The following ABCA4 variants were observed in gnomAD, a reference collection of about 807,000 sequenced individuals.
The protein encoded by ABCA4 is ATP binding cassette subfamily A member 4.
Under a neutral mutation model 263.7 loss-of-function variants are expected in ABCA4, and 196 were observed. The observed-to-expected ratio is 0.74, with a 90% confidence interval of 0.66 to 0.84. ABCA4 has a LOEUF of 0.84. ABCA4 is among the 40% of genes least tolerant of loss of function. The probability of loss-of-function intolerance (pLI) is 0.00; values close to 1 mark genes in which losing one functional copy is unlikely to be tolerated. For missense variants in ABCA4, 2,792 were observed against 2,855.1 expected, an observed-to-expected ratio of 0.98 and a Z score of 0.50; for synonymous variants, 1,133 against 1,094.2, an observed-to-expected ratio of 1.04 and a Z score of -0.70.
At chr1:94,071,007 A>C (rs1014279326) in intron 11 of ABCA4, among the ~76,000 whole-genome samples, 3 of 152,240 alleles carry the variant, frequency 2.0e-5, no homozygotes, top group African/African-American at 7.2e-5. Flanking sequence ...ACGCTTCTGT[A>C]AATGGAGGCC....
intron 6 of ABCA4, among the ~76,000 whole-genome samples, chr1:94,098,070 T>C (rs1369965920): frequency 6.6e-6 from 1 of 152,228 alleles, no homozygotes; most frequent in Non-Finnish European, 1.5e-5. Flanking sequence ...TGATGGTTTT[T>C]ATGCACTTTG....
At position 94,011,298 on chromosome 1, in the gene ABCA4, G is replaced by C; in HGVS notation, c.5548C>G (p.Leu1850Val). ...TAGACATCTGTCACAGCCTGGCTCA[G>C]TGCAAGGTCAATGAGGCCCCGGCCC... is the stretch of plus-strand genomic sequence containing the variant. ...CLGRGLIDLA[L>V]SQAVTDVYAR... Residue 1850 changes from leucine to valine, a missense_variant, in exon 39 of 50, where the codon CTG (leucine) becomes GTG (valine). Coordinates refer to ENST00000370225, the MANE Select transcript of ABCA4 (RefSeq NM_000350.3). The C allele has an allele frequency of 6.2e-7, 1 of 1,614,116 alleles. No individual in the cohort carries two copies. Among genetic ancestry groups the C allele is most frequent in the South Asian group, 1.1e-5 (1 of 91,086 alleles).
At position 94,031,986 on chromosome 1, in the gene ABCA4, C is replaced by T; in HGVS notation, c.3920G>A (p.Arg1307Lys). 6.2e-6 allele frequency: 10 copies of T among 1,613,968 alleles called. No homozygotes were observed. The highest frequency in any genetic ancestry group is 8.5e-6 in the Non-Finnish European group (10 of 1,180,014). Residue 1307 changes from arginine to lysine, a missense_variant, in exon 27 of 50, where the codon AGA (arginine) becomes AAA (lysine). Physicochemically the swap from Arg to Lys is conservative, Grantham distance 26. Coordinates refer to ENST00000370225, the MANE Select transcript of ABCA4 (RefSeq NM_000350.3). Reference sequence around the variant, plus strand: ...CTGGGGTGTCTGTCCAGCCTTCTCTCTGGGACCCAAGCAGGGGTGTCGGGG... The same window carrying T: ...CTGGGGTGTCTGTCCAGCCTTCTCTTTGGGACCCAAGCAGGGGTGTCGGGG... ...VNPRHPCLGP[R>K]EKAGQTPQDS...
At chr1:94,100,287 A>G (rs1662253537) in intron 5 of ABCA4, among the ~76,000 whole-genome samples, 1 of 152,222 alleles carries the variant, frequency 6.6e-6, no homozygotes, top group Non-Finnish European at 1.5e-5. Flanking sequence ...AAAAGCAGCT[A>G]GTATTTACTG....
chr1:94,093,000 C>T (rs943509266), intron 6 of ABCA4, among the ~76,000 whole-genome samples: 3 of 152,060 alleles, frequency 2.0e-5, no homozygotes, highest in African/African-American at 7.2e-5. Flanking sequence ...CTAAGATTTC[C>T]TTTAAATGGC....
intron 24 of ABCA4, among the ~76,000 whole-genome samples, chr1:94,039,536 C>T (rs1309444538): frequency 6.6e-6 from 1 of 152,142 alleles, no homozygotes; most frequent in African/African-American, 2.4e-5. Flanking sequence ...TTCAGTGCAT[C>T]CTAATTAAAG....
At chr1:94,097,155 G>A (rs1179436055) in intron 6 of ABCA4, among the ~76,000 whole-genome samples, 1 of 152,168 alleles carries the variant, frequency 6.6e-6, no homozygotes, top group Admixed American at 6.5e-5. Flanking sequence ...CCTACAGTGT[G>A]GTGAGCCAAG....
chr1:94,027,103 C>T lies in ABCA4; in HGVS notation c.4540-2055G>A, dbSNP rs139046800. Among the ~76,000 whole-genome samples, 174 of 152,154 alleles carry T rather than the reference C, an allele frequency of 1.1e-3. 1 individual carries two copies. Among genetic ancestry groups the T allele is most frequent in the African/African-American group, 3.7e-3 (155 of 41,510 alleles). On this transcript the variant is annotated intron_variant, in intron 30 of 49. Coordinates refer to ENST00000370225, the MANE Select transcript of ABCA4 (RefSeq NM_000350.3). ...AAGAGTGAGTGAGAGAGACAGAGCG[C>T]GCACAGCTCCTGTGCATATGCGTGG...
chr1:94,087,898 G>C (rs547125687), intron 6 of ABCA4, among the ~76,000 whole-genome samples: 1 of 152,292 alleles, frequency 6.6e-6, no homozygotes, highest in African/African-American at 2.4e-5. Flanking sequence ...GTCTCCCTGA[G>C]GCTTCGCCAG....
At chr1:94,076,121 C>T (rs532349621) in intron 11 of ABCA4, among the ~76,000 whole-genome samples, 21 of 152,330 alleles carry the variant, frequency 1.4e-4, no homozygotes, top group African/African-American at 4.6e-4. Context: ...TTTGGGGAAA[C>T]ATCTTCCTCC....
At chr1:94,035,314 A>C (rs1660309396) in intron 26 of ABCA4, among the ~76,000 whole-genome samples, 1 of 152,206 alleles carries the variant, frequency 6.6e-6, no homozygotes, top group African/African-American at 2.4e-5. Flanking sequence ...GAGATTATTC[A>C]ATTTCTGTGT....
rs151212933 is a variant in ABCA4, at chr1:94,001,932, T to C, written c.6208A>G (p.Thr2070Ala). ...LTVYADCLAG[T>A]YSGGNKRKLS... The stretch of plus-strand genomic sequence containing the variant: ...TTCCGCTTGTTGCCCCCACTGTACG[T>C]GCCAGCCAGGCAGTCGGCGTAGACA... Residue 2070 changes from threonine (T) to alanine (A), a missense_variant, in exon 45 of 50, where the codon ACG (threonine) becomes GCG (alanine). Coordinates refer to ENST00000370225, the MANE Select transcript of ABCA4 (RefSeq NM_000350.3). 6 of 1,614,088 alleles carry C rather than the reference T, an allele frequency of 3.7e-6. No individual in the cohort carries two copies. In the African/African-American group the frequency reaches 8.0e-5, roughly 22 times the overall value.
At chr1:94,040,232 C>T in intron 23 of ABCA4, 105 bp from the exon 24 acceptor site, 1 of 901,874 alleles carries the variant, frequency 1.1e-6, no homozygotes, top group Non-Finnish European at 1.8e-6. Context: ...TTTCTCACTG[C>T]CAAGTGTAGT....
chr1:94,001,744 GA>G lies in ABCA4; in HGVS notation c.6282+113del, dbSNP rs772610965. On this transcript the variant is annotated intron_variant, in intron 45 of 49. Transcript: ENST00000370225. Reference sequence around the variant, plus strand: ...AATGAGCAACACAGGAAACAGTCCAGACTAAAGCCAAACTGCTGCAGTTTCT... The same window carrying G: ...AATGAGCAACACAGGAAACAGTCCAGCTAAAGCCAAACTGCTGCAGTTTCT... The G allele has an allele frequency of 1.3e-5, 19 of 1,496,026 alleles. No individual in the cohort carries two copies. In the African/African-American group the frequency reaches 1.9e-4, roughly 15 times the overall value. 92.7% of individuals were successfully genotyped at this position (1,496,026 alleles called of 1,614,324 possible).
At position 94,103,060 on chromosome 1, in the gene ABCA4, G is replaced by A. The variant is rs1294826352; in HGVS notation, c.525C>T (p.Asp175=). ...AGTTGATCAGAAGGTAGACCACTGA[G>A]TCAGACAGGCCGATGTTTTTAATGA... ...LFLIKNIGLS[D]SVVYLLINSQ... The change falls in exon 5 of 50, where the codon GAC becomes GAT. Residue 175 remains aspartate, a synonymous_variant. Transcript: ENST00000370225. The A allele has an allele frequency of 2.5e-6, 4 of 1,614,122 alleles. No homozygotes were observed. The highest frequency in any genetic ancestry group is 3.3e-5 in the Admixed American group (2 of 60,012).
intron 23 of ABCA4, among the ~76,000 whole-genome samples, chr1:94,040,660 C>T (rs1422754633): frequency 6.6e-6 from 1 of 151,928 alleles, no homozygotes; most frequent in South Asian, 2.1e-4. Flanking sequence ...GAAAAAAATA[C>T]TAAAAAAAAG....
At chr1:94,085,514 G>A (rs1049062721) in intron 6 of ABCA4, among the ~76,000 whole-genome samples, 1 of 152,110 alleles carries the variant, frequency 6.6e-6, no homozygotes, top group Non-Finnish European at 1.5e-5. Context: ...CATCAAAATA[G>A]GCATAGAAAA....
At chr1:94,033,884 C>T (rs965514013) in intron 26 of ABCA4, among the ~76,000 whole-genome samples, 5 of 152,146 alleles carry the variant, frequency 3.3e-5, no homozygotes, top group Non-Finnish European at 5.9e-5. Flanking sequence ...ATGGCTGGCC[C>T]TCCCTCTGGG....
chr1:94,098,327 T>C (rs568441577), intron 6 of ABCA4, among the ~76,000 whole-genome samples: 11 of 152,200 alleles, frequency 7.2e-5, no homozygotes, highest in Non-Finnish European at 1.5e-4. Flanking sequence ...CATGGGGCCA[T>C]CATTTATTAA....
Sources: gnomAD v4.1 joint callset for allele counts (sites outside exome capture counted in the v4.1 genomes callset) on GRCh38, gnomAD v4.1.1 for gene constraint, MANE v1.5 for transcripts, NCBI Gene and HGNC (gene_info 2026-07-23, HGNC 2026-07-21) for gene names.